Variants in CADM2 observed in about 807,000 individuals in gnomAD.
CADM2 encodes cell adhesion molecule 2.
CADM2 carries 12 observed loss-of-function variants against 49.8 expected under a neutral mutation model. That is an observed-to-expected ratio of 0.24 (90% CI 0.15 to 0.39). CADM2 has a LOEUF of 0.39. Among genes scored for constraint, CADM2 ranks in the 10% least tolerant of loss-of-function variants. The pLI, the probability that CADM2 is intolerant of heterozygous loss-of-function variation, is 1.00. For synonymous variants in CADM2, 214 were observed against 175.4 expected (o/e 1.22, Z -1.74); for missense variants, 378 against 492.3 (o/e 0.77, Z 2.20).
In CADM2 at chr3:85,029,126, C is replaced by A. The variant is rs1467545329; in HGVS notation, c.61+69458C>A. Among the ~76,000 whole-genome samples, 7 of 151,534 alleles carry A rather than the reference C, an allele frequency of 4.6e-5. No individual in the cohort carries two copies. In the East Asian group the frequency reaches 1.4e-3, roughly 29 times the overall value. ...GTGGAATTATACTTAAATTTTATTT[C>A]TATTTGAAGAACATATTATTTTAGA... On this transcript the variant is annotated intron_variant, in intron 1 of 9. Coordinates refer to ENST00000383699, the MANE Select transcript of CADM2 (RefSeq NM_001167675.2).
intron 1 of CADM2, among the ~76,000 whole-genome samples, chr3:85,038,670 T>C (rs547945234): frequency 6.6e-6 from 1 of 152,304 alleles, no homozygotes; most frequent in Admixed American, 6.5e-5. Context: ...TGCCTAGATT[T>C]AGTTATTTAA....
intron 1 of CADM2, among the ~76,000 whole-genome samples, chr3:85,503,727 C>A (rs1297498066): frequency 6.6e-6 from 1 of 152,136 alleles, no homozygotes; most frequent in African/African-American, 2.4e-5. Flanking sequence ...GTAGGAAGAT[C>A]CAGCTATAAA....
At chr3:85,449,225 A>G (rs2037635380) in intron 1 of CADM2, among the ~76,000 whole-genome samples, 1 of 151,638 alleles carries the variant, frequency 6.6e-6, no homozygotes, top group African/African-American at 2.4e-5. Flanking sequence ...TTAAGAAAAA[A>G]AGGCCTTTTA....
At chr3:85,397,708 A>G (rs2034863119) in intron 1 of CADM2, among the ~76,000 whole-genome samples, 1 of 152,132 alleles carries the variant, frequency 6.6e-6, no homozygotes, top group African/African-American at 2.4e-5. Context: ...AACAGAATAG[A>G]GACTATTGAA....
intron 1 of CADM2, among the ~76,000 whole-genome samples, chr3:85,544,912 C>G (rs545092512): frequency 6.6e-6 from 1 of 151,974 alleles, no homozygotes; most frequent in Non-Finnish European, 1.5e-5. Flanking sequence ...AGATCTTGAG[C>G]GGTGCTTTGT....
At chr3:85,507,549 A>C (rs2040414763) in intron 1 of CADM2, among the ~76,000 whole-genome samples, 1 of 152,180 alleles carries the variant, frequency 6.6e-6, no homozygotes, top group Non-Finnish European at 1.5e-5. Context: ...TTTATATCCA[A>C]ACATTATTTG....
chr3:85,584,513 G>A (rs980771959), intron 1 of CADM2, among the ~76,000 whole-genome samples: 4 of 152,048 alleles, frequency 2.6e-5, no homozygotes, highest in African/African-American at 9.7e-5. Context: ...GCCGTCAAAA[G>A]GGGATAATTA....
chr3:85,435,184 A>G (rs960532386), intron 1 of CADM2, among the ~76,000 whole-genome samples: 1 of 151,874 alleles, frequency 6.6e-6, no homozygotes, highest in Non-Finnish European at 1.5e-5. Context: ...CACAACCCCC[A>G]ATAGGCCCCA....
intron 1 of CADM2, among the ~76,000 whole-genome samples, chr3:85,117,144 C>T (rs1254692530): frequency 1.3e-5 from 2 of 152,032 alleles, no homozygotes; most frequent in Non-Finnish European, 2.9e-5. Flanking sequence ...TTACTTGAAC[C>T]CGGGAGGTGG....
chr3:85,752,584 T>C (rs1391482106), intron 2 of CADM2, among the ~76,000 whole-genome samples: 5 of 151,994 alleles, frequency 3.3e-5, no homozygotes, highest in Non-Finnish European at 2.9e-5. Flanking sequence ...GGATTAAACT[T>C]TTGCATTGTT....
chr3:85,325,569 G>C (rs2044728606), intron 1 of CADM2, among the ~76,000 whole-genome samples: 1 of 151,578 alleles, frequency 6.6e-6, no homozygotes, highest in South Asian at 2.1e-4. Flanking sequence ...AATTAGCCAG[G>C]CGCCCAGCTA....
chr3:85,645,000 A>G (rs1039168236), intron 1 of CADM2, among the ~76,000 whole-genome samples: 6 of 152,100 alleles, frequency 3.9e-5, no homozygotes, highest in Non-Finnish European at 8.8e-5. Flanking sequence ...TTTTTTAAGC[A>G]TTCTATTTTT....
intron 1 of CADM2, among the ~76,000 whole-genome samples, chr3:85,373,689 C>A (rs531031708): frequency 6.6e-6 from 1 of 152,332 alleles, no homozygotes; most frequent in Admixed American, 6.5e-5. Context: ...CATACATCCT[C>A]TGAAATGTAA....
intron 1 of CADM2, among the ~76,000 whole-genome samples, chr3:85,277,218 A>G (rs1365114272): frequency 5.3e-5 from 8 of 151,346 alleles, no homozygotes; most frequent in Non-Finnish European, 1.5e-5. Flanking sequence ...AAATAATGTC[A>G]TAGTAGAAGA....
At chr3:85,670,087 A>C (rs1308108770) in intron 1 of CADM2, among the ~76,000 whole-genome samples, 1 of 152,166 alleles carries the variant, frequency 6.6e-6, no homozygotes, top group Non-Finnish European at 1.5e-5. Flanking sequence ...GGTCTCTTTC[A>C]GTGCAAACAT....
intron 1 of CADM2, among the ~76,000 whole-genome samples, chr3:85,138,604 C>G (rs2039487198): frequency 6.6e-6 from 1 of 152,026 alleles, no homozygotes; most frequent in Non-Finnish European, 1.5e-5. Context: ...TTATACTATA[C>G]TAGTATTTTC....
intron 1 of CADM2, among the ~76,000 whole-genome samples, chr3:85,069,716 TAAA>T (rs1024348036): frequency 6.6e-6 from 1 of 152,156 alleles, no homozygotes; most frequent in Non-Finnish European, 1.5e-5. Flanking sequence ...TTATCTTTGA[TAAA>T]AAATGCTCTG....
chr3:85,662,556 C>T (rs974254962), intron 1 of CADM2, among the ~76,000 whole-genome samples: 1 of 152,036 alleles, frequency 6.6e-6, no homozygotes, highest in African/African-American at 2.4e-5. Flanking sequence ...CATGTAATCA[C>T]TCTACACTTT....
intron 2 of CADM2, among the ~76,000 whole-genome samples, chr3:85,759,704 A>C (rs1268557700): frequency 6.6e-6 from 1 of 152,138 alleles, no homozygotes; most frequent in African/African-American, 2.4e-5. Context: ...CTGGAAATAT[A>C]GTCTTTATTC....
Sources: allele counts gnomAD v4.1 joint callset (sites outside exome capture counted in the v4.1 genomes callset), GRCh38; gene constraint gnomAD v4.1.1; transcripts MANE v1.5; gene names NCBI Gene and HGNC (gene_info 2026-07-23, HGNC 2026-07-21).